Variants in ZNF449 observed in about 807,000 individuals in gnomAD.
ZNF449 encodes zinc finger protein 449.
In ZNF449, 4 loss-of-function variants were observed where a neutral mutation model predicts 32.6. The observed-to-expected ratio is 0.12, with a 90% CI of 0.06 to 0.28. The LOEUF (loss-of-function observed/expected upper bound fraction) is 0.28, where lower values mean the gene tolerates loss of function less well. Ranked by LOEUF, ZNF449 falls within the 10% of genes least tolerant of loss-of-function variation. The pLI, the probability that ZNF449 is intolerant of heterozygous loss-of-function variation, is 1.00. For missense variants in ZNF449, 275 were observed against 383.2 expected (o/e 0.72, Z 2.36); for synonymous variants, 123 against 132.2 (o/e 0.93, Z 0.48).
intron 3 of ZNF449, 36 bp from the exon 4 acceptor site, chrX:135,359,856 C>A: frequency 1.9e-6 from 2 of 1,030,933 alleles, no homozygotes; most frequent in African/African-American, 1.9e-5. Context: ...CTTTGATGAG[C>A]CAAACTGTAA....
In ZNF449 at chrX:135,360,343, C is replaced by T. The variant is rs781985440; in HGVS notation, c.824C>T (p.Thr275Ile). 3.3e-6 allele frequency: 4 copies of T among 1,210,452 alleles called. No individual in the cohort carries two copies. The highest frequency in any genetic ancestry group is 2.2e-5 in the Admixed American group (1 of 45,919). The change falls in exon 5 of 5, where the codon ACC becomes ATC. Residue 275 changes from threonine to isoleucine, a missense_variant. Coordinates refer to ENST00000339249, the MANE Select transcript of ZNF449 (RefSeq NM_152695.6). ...DYVQLENQWE[T>I]PPEDLQTDLA... Reference sequence around the variant, plus strand: ...GTACAGTTAGAAAATCAATGGGAAACCCCCCCAGAGGATTTACAGACAGAT... The same window carrying T: ...GTACAGTTAGAAAATCAATGGGAAATCCCCCCAGAGGATTTACAGACAGAT...
intron 3 of ZNF449, among the ~76,000 whole-genome samples, chrX:135,353,599 G>A (rs1161518191): frequency 1.8e-5 from 2 of 110,844 alleles, no homozygotes; most frequent in Non-Finnish European, 3.8e-5. Flanking sequence ...CTCAAAACCA[G>A]GAGAGATGAT....
At chrX:135,351,773 T>A (rs1436186043) in intron 3 of ZNF449, among the ~76,000 whole-genome samples, 1 of 110,875 alleles carries the variant, frequency 9.0e-6, no homozygotes, top group Non-Finnish European at 1.9e-5. Context: ...TGCATTTGCA[T>A]TCTGATTCTC....
chrX:135,363,315 C>CAAA lies in ZNF449; in HGVS notation c.*2240_*2241insAAA, dbSNP rs1326621386. On this transcript the variant is annotated 3_prime_UTR_variant, in exon 5 of 5. Coordinates refer to ENST00000339249, the MANE Select transcript of ZNF449 (RefSeq NM_152695.6). The stretch of plus-strand genomic sequence containing the variant: ...ATCATTTTTAGCATTTAATACAGTC[C>CAAA]ATTTTTGGCTAGTAGGGTTAGTTGC... Among the ~76,000 whole-genome samples, 2 of 111,878 alleles carry CAAA rather than the reference C, an allele frequency of 1.8e-5. No homozygotes were observed. The highest frequency in any genetic ancestry group is 3.8e-5 in the Non-Finnish European group (2 of 53,159).
intron 1 of ZNF449, 64 bp from the exon 2 acceptor site, chrX:135,346,955 C>G (rs1217508009): frequency 2.3e-5 from 9 of 384,379 alleles, no homozygotes; most frequent in Non-Finnish European, 3.5e-5. Flanking sequence ...AGAAGTTGAC[C>G]GAGGTAAGTA....
intron 3 of ZNF449, among the ~76,000 whole-genome samples, chrX:135,350,028 C>T (rs1208096024): frequency 2.0e-5 from 2 of 102,075 alleles, no homozygotes; most frequent in African/African-American, 7.4e-5. Flanking sequence ...TTTTCTGAGA[C>T]GGGAGTCCTG....
At chrX:135,345,099 C>T (rs1415927214) in intron 1 of ZNF449, among the ~76,000 whole-genome samples, 1 of 113,106 alleles carries the variant, frequency 8.8e-6, no homozygotes, top group African/African-American at 3.2e-5. Context: ...CGCCCAAGAG[C>T]GAACAGGGGC....
chrX:135,350,906 G>A (rs782002273), intron 3 of ZNF449, among the ~76,000 whole-genome samples: 10 of 111,158 alleles, frequency 9.0e-5, no homozygotes, highest in East Asian at 5.7e-4. Flanking sequence ...CATGGGAAGC[G>A]GAGAGGGCTG....
chrX:135,358,595 C>T (rs2084929775), intron 3 of ZNF449, among the ~76,000 whole-genome samples: 1 of 111,634 alleles, frequency 9.0e-6, no homozygotes, highest in Non-Finnish European at 1.9e-5. Context: ...ATACAGTTGC[C>T]TTTTACATCT....
At chrX:135,347,829 T>C in intron 2 of ZNF449, 1 of 417,729 alleles carries the variant, frequency 2.4e-6, no homozygotes, top group Non-Finnish European at 3.9e-6. Flanking sequence ...ATGTAATGGT[T>C]TTTTTATCTT....
chrX:135,358,970 A>T (rs187764253), intron 3 of ZNF449, among the ~76,000 whole-genome samples: 9 of 112,194 alleles, frequency 8.0e-5, no homozygotes, highest in Non-Finnish European at 1.7e-4. Flanking sequence ...TGAAAAACTA[A>T]AACAAGGTAT....
At chrX:135,345,216 T>A (rs2084834667) in intron 1 of ZNF449, among the ~76,000 whole-genome samples, 1 of 112,993 alleles carries the variant, frequency 8.9e-6, no homozygotes, top group Non-Finnish European at 1.9e-5. Context: ...TCGCTTTTCT[T>A]ATAGGCCCCA....
At chrX:135,354,124 G>C (rs928680887) in intron 3 of ZNF449, among the ~76,000 whole-genome samples, 2 of 112,065 alleles carry the variant, frequency 1.8e-5, no homozygotes, top group Non-Finnish European at 3.8e-5. Context: ...ATTGATTAAT[G>C]GGCATTTAAA....
intron 3 of ZNF449, among the ~76,000 whole-genome samples, chrX:135,356,278 C>T (rs797037878): frequency 7.2e-5 from 8 of 111,581 alleles, no homozygotes; most frequent in Non-Finnish European, 1.5e-4. Context: ...TTTTACATTC[C>T]GACCAGCAGT....
intron 3 of ZNF449, among the ~76,000 whole-genome samples, chrX:135,358,629 C>T (rs1480068177): frequency 2.7e-5 from 3 of 111,875 alleles, no homozygotes; most frequent in Non-Finnish European, 3.8e-5. Flanking sequence ...AGAAGCAATA[C>T]TGTCTTTTCT....
At chrX:135,354,830 G>A (rs2084908091) in intron 3 of ZNF449, among the ~76,000 whole-genome samples, 1 of 111,584 alleles carries the variant, frequency 9.0e-6, no homozygotes, top group Admixed American at 9.5e-5. Context: ...AGATCTCATG[G>A]GTACCAGATT....
rs1332025951 is a variant in ZNF449, at chrX:135,360,496, C to T, written c.977C>T (p.Pro326Leu). 3 of 1,209,731 alleles carry T rather than the reference C, an allele frequency of 2.5e-6. No homozygotes were observed. The highest frequency in any genetic ancestry group is 3.4e-6 in the Non-Finnish European group (3 of 895,019). The change falls in exon 5 of 5, where the codon CCT becomes CTT. Residue 326 changes from proline (P) to leucine (L), a missense_variant. Around this residue, in one of 3 missense-constraint regions of ZNF449, gnomAD observed 165 missense variants for 175.0 expected, o/e 0.94. Transcript: ENST00000339249. The stretch of plus-strand genomic sequence containing the variant: ...CCAGGAGAGAAACCTCACCGATGTC[C>T]TCAGTGTGGAAAATGTTTTGCTCGG... ...KSPGEKPHRCPQCGKCFARKS... is the reference protein window; with the variant it reads ...KSPGEKPHRCLQCGKCFARKS...
intron 1 of ZNF449, among the ~76,000 whole-genome samples, chrX:135,345,949 A>G (rs1238854036): frequency 8.9e-6 from 1 of 111,845 alleles, no homozygotes; most frequent in African/African-American, 3.3e-5. Flanking sequence ...GAACATTTTG[A>G]TGTTTTTAGA....
At chrX:135,355,392 G>A (rs932006926) in intron 3 of ZNF449, among the ~76,000 whole-genome samples, 1 of 109,154 alleles carries the variant, frequency 9.2e-6, no homozygotes, top group African/African-American at 3.3e-5. Flanking sequence ...TGTTTTTTTG[G>A]GGGGGCCTCT....
Sources: gnomAD v4.1 joint callset for allele counts (sites outside exome capture counted in the v4.1 genomes callset) on GRCh38, gnomAD v4.1.1 for gene constraint, gnomAD v4.1.1 regional missense constraint, MANE v1.5 for transcripts, NCBI Gene and HGNC (gene_info 2026-07-23, HGNC 2026-07-21) for gene names.